SRGAP3: variants seen among roughly 807,000 people sequenced by gnomAD.
SRGAP3 encodes the protein SLIT-ROBO Rho GTPase-activating protein 3.
Under a neutral mutation model 121.1 loss-of-function variants are expected in SRGAP3, and 39 were observed. The ratio of observed to expected loss-of-function variants is 0.32; its 90% CI spans 0.25 to 0.42. The LOEUF (loss-of-function observed/expected upper bound fraction) is 0.42. Among genes scored for constraint, SRGAP3 ranks in the 10% least tolerant of loss-of-function variants. The pLI is 1.00. For missense variants in SRGAP3, 1,213 were observed against 1,470.6 expected (o/e 0.82, Z 2.86); for synonymous variants, 601 against 570.0 (o/e 1.05, Z -0.77).
At chr3:9,299,730 T>C (rs1237989266) in intron 3 of SRGAP3, among the ~76,000 whole-genome samples, 1 of 152,026 alleles carries the variant, frequency 6.6e-6, no homozygotes, top group Non-Finnish European at 1.5e-5. Flanking sequence ...GCCAACATGG[T>C]GAAACCCCAT....
chr3:9,199,552 G>C (rs996087859), intron 1 of SRGAP3, among the ~76,000 whole-genome samples: 1 of 152,096 alleles, frequency 6.6e-6, no homozygotes, highest in Non-Finnish European at 1.5e-5. Context: ...CATTTCTAAT[G>C]GCTGTATAAT....
intron 3 of SRGAP3, among the ~76,000 whole-genome samples, chr3:9,273,443 C>A (rs963495106): frequency 3.3e-5 from 5 of 152,106 alleles, no homozygotes; most frequent in African/African-American, 1.2e-4. Flanking sequence ...TTGATCCAGT[C>A]GTTTGTTTTT....
chr3:9,228,505 C>T (rs1953075636), intron 1 of SRGAP3, among the ~76,000 whole-genome samples: 1 of 152,188 alleles, frequency 6.6e-6, no homozygotes, highest in Non-Finnish European at 1.5e-5. Flanking sequence ...CTGCTTCAAA[C>T]ATCCAGAGAA....
chr3:9,125,158 TCAC>T (rs1440638855), intron 1 of SRGAP3, among the ~76,000 whole-genome samples: 2 of 152,202 alleles, frequency 1.3e-5, no homozygotes, highest in African/African-American at 4.8e-5. Context: ...TCACTGCATG[TCAC>T]CACCACGATT....
At chr3:9,078,984 G>A (rs1316873632) in intron 4 of SRGAP3, among the ~76,000 whole-genome samples, 1 of 152,148 alleles carries the variant, frequency 6.6e-6, no homozygotes, top group Non-Finnish European at 1.5e-5. Flanking sequence ...TCTGACCTGA[G>A]GTCCAGGCCC....
intron 3 of SRGAP3, among the ~76,000 whole-genome samples, chr3:9,273,793 T>G (rs1954524661): frequency 6.6e-6 from 1 of 151,374 alleles, no homozygotes; most frequent in Admixed American, 6.6e-5. Context: ...CAACTTCATT[T>G]TTTTTTTTTT....
rs368445900 is a variant in SRGAP3, at chr3:9,130,014, G to A, written c.68-5097C>T. The stretch of plus-strand genomic sequence containing the variant: ...CGACCTCAGGTGATCTGCCCACCTC[G>A]GCCTCCCAAAGTGCTGGGATTACAA... On this transcript the variant is annotated intron_variant, in intron 1 of 21. Transcript: ENST00000383836. Among the ~76,000 whole-genome samples, 30 of 152,020 alleles carry A rather than the reference G, an allele frequency of 2.0e-4. No homozygotes were observed. The East Asian group carries it at 3.7e-3, about 19-fold the overall frequency.
At chr3:9,088,849 G>A (rs1213774354) in intron 3 of SRGAP3, among the ~76,000 whole-genome samples, 2 of 152,160 alleles carry the variant, frequency 1.3e-5, no homozygotes. Context: ...CCTGTTTCAA[G>A]TACGGTGGCC....
intron 3 of SRGAP3, among the ~76,000 whole-genome samples, chr3:9,309,388 T>G (rs1203868388): frequency 2.0e-5 from 3 of 152,198 alleles, no homozygotes; most frequent in Non-Finnish European, 4.4e-5. Context: ...TCCTTTCCTC[T>G]ATGCACTTTA....
chr3:9,003,852 GT>G (rs1479033749), intron 18 of SRGAP3, among the ~76,000 whole-genome samples: 1 of 152,154 alleles, frequency 6.6e-6, no homozygotes, highest in Non-Finnish European at 1.5e-5. Flanking sequence ...AGACAAGGAT[GT>G]TCACTCTCAT....
At chr3:9,293,904 C>T (rs183670524) in intron 3 of SRGAP3, among the ~76,000 whole-genome samples, 9 of 152,232 alleles carry the variant, frequency 5.9e-5, no homozygotes, top group Non-Finnish European at 2.9e-5. Context: ...TTAGCCCAAC[C>T]ATTGTAGAAG....
intron 4 of SRGAP3, 51 bp downstream of exon 4, chr3:9,079,974 T>C (rs1947163035): frequency 6.2e-7 from 1 of 1,604,670 alleles, no homozygotes; most frequent in African/African-American, 1.3e-5. Context: ...GCTCTGGTGA[T>C]GAAGACAGAG....
At chr3:9,075,221 T>G (rs1272981569) in intron 4 of SRGAP3, among the ~76,000 whole-genome samples, 1 of 151,966 alleles carries the variant, frequency 6.6e-6, no homozygotes, top group African/African-American at 2.4e-5. Flanking sequence ...ACAAGAACTA[T>G]ATTGTGTTGG....
chr3:9,132,671 C>T (rs534952429), intron 1 of SRGAP3, among the ~76,000 whole-genome samples: 22 of 152,264 alleles, frequency 1.4e-4, no homozygotes, highest in African/African-American at 5.1e-4. Flanking sequence ...TATTTAAAGA[C>T]ATGTTGGTTG....
At chr3:9,165,980 A>G (rs931993507) in intron 1 of SRGAP3, among the ~76,000 whole-genome samples, 1 of 152,200 alleles carries the variant, frequency 6.6e-6, no homozygotes, top group Non-Finnish European at 1.5e-5. Context: ...GGGGCACTGT[A>G]TCTGTTTTCA....
rs181874783 is a variant in SRGAP3 at position 9,278,417 on chromosome 3, T to C, written n.442+47593A>G. Among the ~76,000 whole-genome samples the C allele has an allele frequency of 8.3e-4, 127 of 152,306 alleles. No individual in the cohort carries two copies. The South Asian group carries it at 0.014, about 17-fold the overall frequency. On this transcript the variant is annotated intron_variant and non_coding_transcript_variant, in intron 3 of 3. Transcript: ENST00000490889. ...TCAACCTTGAAGCAGAGAGTCCCAC[T>C]TGCCACTCACCAGCCAAGTGTGCAT...
At chr3:9,066,114 T>A (rs75396619) in intron 4 of SRGAP3, among the ~76,000 whole-genome samples, 2,295 of 152,288 alleles carry the variant, frequency 0.015, 54 homozygotes, top group African/African-American at 0.052. Flanking sequence ...TGAATTTTTT[T>A]AATTCATTAC....
At chr3:9,300,174 T>TCAC (rs113598805) in intron 3 of SRGAP3, among the ~76,000 whole-genome samples, 1 of 382 alleles carries the variant, frequency 2.6e-3, no homozygotes, top group African/African-American at 0.011. Context: ...ATCATCTTCA[T>TCAC]CATCACCACC....
chr3:9,293,924 CA>C (rs1328812816), intron 3 of SRGAP3, among the ~76,000 whole-genome samples: 2 of 152,280 alleles, frequency 1.3e-5, no homozygotes, highest in African/African-American at 4.8e-5. Context: ...GACAGTGTAG[CA>C]ATTCCTCAAA....
Sources: allele counts gnomAD v4.1 joint callset (sites outside exome capture counted in the v4.1 genomes callset), GRCh38; gene constraint gnomAD v4.1.1; transcripts MANE v1.5; gene names NCBI Gene and HGNC (gene_info 2026-07-23, HGNC 2026-07-21).